GATM: variants seen among roughly 807,000 people sequenced by gnomAD.
GATM encodes glycine amidinotransferase, also known as glycine amidinotransferase, mitochondrial.
In GATM, 23 loss-of-function variants were observed where a neutral mutation model predicts 54.2. The ratio of observed to expected loss-of-function variants is 0.42; its 90% CI spans 0.31 to 0.60. The LOEUF is 0.60. GATM is among the 20% of genes least tolerant of loss of function. GATM has a pLI of 0.14. For synonymous variants in GATM, 168 were observed against 183.1 expected (o/e 0.92, Z 0.67); for missense variants, 401 against 544.9 (o/e 0.74, Z 2.63).
chr15:45,362,181 G>A lies in GATM; in HGVS notation c.1200C>T (p.Ser400=). ...TCCAGCAATGGAAGCCTCCTCCCAG[G>A]GAATTGGCATTACGAATGTTAACTT... ...TIKVNIRNAN[S]LGGGFHCWTC... is the part of the protein sequence containing the mutation. Residue 400 remains serine (S), a synonymous_variant, in exon 9 of 9, where the codon TCC becomes TCT. Transcript: ENST00000396659. The A allele has an allele frequency of 6.2e-7, 1 of 1,613,844 alleles. No homozygotes were observed. Among genetic ancestry groups the A allele is most frequent in the Non-Finnish European group, 8.5e-7 (1 of 1,179,826 alleles).
intron 2 of GATM, among the ~76,000 whole-genome samples, chr15:45,375,166 G>A (rs1889610042): frequency 6.6e-6 from 1 of 152,146 alleles, no homozygotes; most frequent in South Asian, 2.1e-4. Flanking sequence ...TGCCTCCTGG[G>A]TTCATGCCAT....
In GATM at chr15:45,368,756, G is replaced by T. The variant is rs1008212872; in HGVS notation, c.485-496C>A. ...AGATTGTTAACATGAATTGTGTGGTGGGGGGGAAGCCCAGAAAAAAAAGAA... is the reference window on the plus strand; with the variant it reads ...AGATTGTTAACATGAATTGTGTGGTTGGGGGGAAGCCCAGAAAAAAAAGAA... On this transcript the variant is annotated intron_variant, in intron 3 of 8. Transcript: ENST00000396659. This position sits in a 1 kb window ranked among gnomAD's most constrained non-coding sequence, Gnocchi z 5.1. Among the ~76,000 whole-genome samples, 4 of 149,548 alleles carry T rather than the reference G, an allele frequency of 2.7e-5. No individual in the cohort carries two copies. The highest frequency in any genetic ancestry group is 4.9e-5 in the African/African-American group (2 of 40,778).
chr15:45,375,227 C>T lies in GATM; in HGVS notation c.288+1374G>A, dbSNP rs568564837. Among the ~76,000 whole-genome samples the T allele has an allele frequency of 2.5e-3, 384 of 152,198 alleles. 1 individual carries two copies. Among genetic ancestry groups the T allele is most frequent in the Middle Eastern group, 0.01 (3 of 294 alleles). ...CTGGGACTACAGGCACCCGCCACCA[C>T]GCCTGGCTAATTTTTGTATTTTTAG... On this transcript the variant is annotated intron_variant, in intron 2 of 8. Coordinates refer to ENST00000396659, the MANE Select transcript of GATM (RefSeq NM_001482.3).
intron 8 of GATM, among the ~76,000 whole-genome samples, chr15:45,363,080 C>T (rs1043339744): frequency 2.6e-5 from 4 of 152,140 alleles, no homozygotes; most frequent in Non-Finnish European, 4.4e-5. Context: ...GTCAGGAGTT[C>T]GAGACCAGCC....
At chr15:45,365,972 G>A (rs1005823839) in intron 6 of GATM, 74 bp downstream of exon 6, 2 of 1,380,548 alleles carry the variant, frequency 1.4e-6, no homozygotes, top group Non-Finnish European at 2.1e-6. Flanking sequence ...CCATGGAAGT[G>A]CTTAAAATAA....
chr15:45,366,786 G>A (rs779595294), intron 4 of GATM, among the ~76,000 whole-genome samples: 44 of 152,076 alleles, frequency 2.9e-4, no homozygotes, highest in South Asian at 1.0e-3. Flanking sequence ...GTCAACTGTC[G>A]TCCCAAAACA....
At position 45,369,382 on chromosome 15, in the gene GATM, C is replaced by T; in HGVS notation, c.428G>A (p.Arg143Lys). 6.2e-7 allele frequency: 1 copy of T among 1,614,184 alleles called. No homozygotes were observed. The highest frequency in any genetic ancestry group is 8.5e-7 in the Non-Finnish European group (1 of 1,180,030). The change falls in exon 3 of 9, where the codon AGG becomes AAG. Residue 143 changes from arginine (R) to lysine (K), a missense_variant. Physicochemically the swap from Arg to Lys is conservative, Grantham distance 26. This residue lies in a region of GATM where 321 missense variants were observed against 457.5 expected (regional missense o/e 0.70). Transcript: ENST00000396659. The stretch of plus-strand genomic sequence containing the variant: ...CAATGACCAGTCAATGGGGTCAGGC[C>T]TCCTTACTGTCACTCCTTCCGTTTT... ...ILKTEGVTVR[R>K]PDPIDWSLKY...
intron 7 of GATM, chr15:45,364,323 C>T (rs1656846276): frequency 5.4e-6 from 2 of 372,900 alleles, no homozygotes; most frequent in South Asian, 5.5e-5. Flanking sequence ...GACTATTGCC[C>T]AGAGATGGTG....
At chr15:45,362,257 C>T in intron 8 of GATM, 36 bp from the exon 9 acceptor site, 1 of 1,248,872 alleles carries the variant, frequency 8.0e-7, no homozygotes, top group Non-Finnish European at 1.2e-6. Context: ...GTTAGATGGA[C>T]TAACATGACG....
intron 1 of GATM, among the ~76,000 whole-genome samples, chr15:45,400,266 G>A (rs1054599788): frequency 1.1e-4 from 17 of 152,072 alleles, no homozygotes; most frequent in Admixed American, 2.6e-4. Flanking sequence ...TTATCACAAG[G>A]AGATTATGTC....
upstream of GATM, among the ~76,000 whole-genome samples, chr15:45,383,069 A>G (rs532410240): frequency 1.4e-3 from 216 of 152,154 alleles, no homozygotes; most frequent in Non-Finnish European, 2.6e-3. Flanking sequence ...TTTACCCACC[A>G]GTATATCCCT....
At chr15:45,389,843 T>G (rs1377851424) in intron 3 of GATM, among the ~76,000 whole-genome samples, 3 of 151,980 alleles carry the variant, frequency 2.0e-5, no homozygotes, top group Non-Finnish European at 2.9e-5. Flanking sequence ...TGCATTTCTT[T>G]TTTTCTTTTT....
chr15:45,373,801 T>C (rs998277661), intron 2 of GATM, among the ~76,000 whole-genome samples: 1 of 152,218 alleles, frequency 6.6e-6, no homozygotes, highest in Non-Finnish European at 1.5e-5. Flanking sequence ...TTAGATTTAC[T>C]TTCTTCTCCC....
chr15:45,393,122 T>A (rs560297024), intron 3 of GATM, among the ~76,000 whole-genome samples: 179 of 152,352 alleles, frequency 1.2e-3, no homozygotes, highest in African/African-American at 4.2e-3. Context: ...GCTCAAGAAA[T>A]ATTTGTTGGA....
chr15:45,397,920 GA>G (rs1405249582), intron 2 of GATM, among the ~76,000 whole-genome samples: 1 of 152,162 alleles, frequency 6.6e-6, no homozygotes, highest in African/African-American at 2.4e-5. Context: ...GATATGTGGG[GA>G]ACTCCCCAAC....
chr15:45,395,539 A>T (rs1386453543), intron 3 of GATM, among the ~76,000 whole-genome samples: 1 of 152,162 alleles, frequency 6.6e-6, no homozygotes, highest in African/African-American at 2.4e-5. Flanking sequence ...TAAAGATCTC[A>T]CTGGAAAAAT....
At chr15:45,400,563 T>C (rs546726939) in intron 1 of GATM, among the ~76,000 whole-genome samples, 1 of 152,366 alleles carries the variant, frequency 6.6e-6, no homozygotes, top group Non-Finnish European at 1.5e-5. Context: ...TGACCTTGTA[T>C]AAAATCAACC....
At chr15:45,382,366 T>C (rs1889751694), upstream of GATM, among the ~76,000 whole-genome samples, 1 of 152,140 alleles carries the variant, frequency 6.6e-6, no homozygotes, top group Non-Finnish European at 1.5e-5. Context: ...TTGTAAAGTA[T>C]TAAATCAGTA....
chr15:45,364,182 T>A, intron 7 of GATM, 166 bp from the exon 8 acceptor site: 1 of 643,354 alleles, frequency 1.6e-6, no homozygotes, highest in Non-Finnish European at 2.8e-6. Context: ...ATGGTATGAA[T>A]CAATCTGTAC....
Sources: gnomAD v4.1 joint callset for allele counts (sites outside exome capture counted in the v4.1 genomes callset) on GRCh38, gnomAD v4.1.1 for gene constraint, gnomAD v4.1.1 regional missense constraint, Gnocchi (gnomAD v3.1) non-coding constraint, MANE v1.5 for transcripts, NCBI Gene and HGNC (gene_info 2026-07-23, HGNC 2026-07-21) for gene names.